PHRF1: variants seen among roughly 807,000 people sequenced by gnomAD.
PHRF1 encodes the protein PHD and RING finger domain-containing protein 1.
Under a neutral mutation model 128.9 loss-of-function variants are expected in PHRF1, and 53 were observed. That is an observed-to-expected ratio of 0.41 (90% CI 0.33 to 0.52). The LOEUF is 0.52. Among genes scored for constraint, PHRF1 ranks in the 20% least tolerant of loss-of-function variants. The probability of loss-of-function intolerance (pLI) is 0.21; values close to 1 mark genes in which losing one functional copy is unlikely to be tolerated. For synonymous variants in PHRF1, 1,178 were observed against 980.6 expected (o/e 1.20, Z -3.76); for missense variants, 2,503 against 2,284.5 (o/e 1.10, Z -1.95).
chr11:593,447 C>G (rs1260622094), intron 6 of PHRF1, among the ~76,000 whole-genome samples: 2 of 152,250 alleles, frequency 1.3e-5, no homozygotes, highest in African/African-American at 2.4e-5. Flanking sequence ...GGAGCCGCAC[C>G]GAGGATGGGC....
chr11:582,816 G>A (rs910959084), intron 3 of PHRF1, among the ~76,000 whole-genome samples: 6 of 151,340 alleles, frequency 4.0e-5, no homozygotes, highest in Admixed American at 2.0e-4. Context: ...GAGCCACCGC[G>A]CCCGGCCTTT....
At chr11:598,635 C>A in intron 9 of PHRF1, 133 bp downstream of exon 9, 3 of 1,367,766 alleles carry the variant, frequency 2.2e-6, no homozygotes, top group Non-Finnish European at 2.9e-6. Context: ...CTGCTGAAAA[C>A]ACTACACAGA....
rs749213318 is a variant in PHRF1 at position 582,041 on chromosome 11, CGAG to C, written c.176_178del (p.Glu59del). 6.2e-7 allele frequency: 1 copy of C among 1,605,798 alleles called. No homozygotes were observed. The highest frequency in any genetic ancestry group is 1.1e-5 in the South Asian group (1 of 89,194). On this transcript the variant is annotated inframe_deletion, in exon 3 of 18. Coordinates refer to ENST00000264555, the MANE Select transcript of PHRF1 (RefSeq NM_001286581.2). ...ATGGAGATGGCACAGACGGAGAAGA[CGAG>C]GGGGCGTCTGAGGAGGAAGACCTGG...
intron 16 of PHRF1, 40 bp downstream of exon 16, chr11:610,801 T>C: frequency 6.3e-7 from 1 of 1,591,212 alleles, no homozygotes; most frequent in Non-Finnish European, 8.5e-7. Context: ...TGTTCCCATC[T>C]TACTTTGAAA....
At position 611,507 on chromosome 11, in the gene PHRF1, G is replaced by T. The variant is rs1436271729; in HGVS notation, c.4807-127G>T. On this transcript the variant is annotated intron_variant, in intron 17 of 17. Coordinates refer to ENST00000264555, the MANE Select transcript of PHRF1 (RefSeq NM_001286581.2). ...GGTGGGGCGGCCTCTGCCGCCGTCTGTCTGCGTGCTGCACCTAGGGCCTGC... is the reference window on the plus strand; with the variant it reads ...GGTGGGGCGGCCTCTGCCGCCGTCTTTCTGCGTGCTGCACCTAGGGCCTGC... The T allele has an allele frequency of 3.7e-6, 5 of 1,365,202 alleles. No homozygotes were observed. The East Asian group carries it at 9.7e-5, about 26-fold the overall frequency. The allele number at this position is 1,365,202 out of a possible 1,614,324, so 84.6% of individuals were successfully genotyped here. A position where few individuals can be genotyped will look rare whatever the true frequency, so the allele number is the denominator to read the frequency against.
chr11:608,928 C>T lies in PHRF1; in HGVS notation c.3472C>T (p.Arg1158Trp), dbSNP rs776948126. ...RKESVAWPRDRRKRRSRSPSS... is the reference protein window; with the variant it reads ...RKESVAWPRDWRKRRSRSPSS... ...GGAGAGTGTGGCGTGGCCCCGAGACCGGAGGAAGCGGAGGTCCCGGTCCCC... is the reference window on the plus strand; with the variant it reads ...GGAGAGTGTGGCGTGGCCCCGAGACTGGAGGAAGCGGAGGTCCCGGTCCCC... The change falls in exon 14 of 18, where the codon CGG becomes TGG. Residue 1158 changes from arginine (R) to tryptophan (W), a missense_variant. Physicochemically the swap from Arg to Trp is moderately radical, Grantham distance 101. Coordinates refer to ENST00000264555, the MANE Select transcript of PHRF1 (RefSeq NM_001286581.2). 44 of 1,611,294 alleles carry T rather than the reference C, an allele frequency of 2.7e-5. No individual in the cohort carries two copies. Among genetic ancestry groups the T allele is most frequent in the African/African-American group, 4.0e-5 (3 of 74,672 alleles).
rs895650610 is a variant in PHRF1 at position 611,839 on chromosome 11, C to T, written c.*62C>T. On this transcript the variant is annotated 3_prime_UTR_variant, in exon 18 of 18. Coordinates refer to ENST00000264555, the MANE Select transcript of PHRF1 (RefSeq NM_001286581.2). Reference sequence around the variant, plus strand: ...GGGAGTGGCGGGAATCGGGGCCATGCCCGGGGAGCTGTCGGGAGTGGCGGG... The same window carrying T: ...GGGAGTGGCGGGAATCGGGGCCATGTCCGGGGAGCTGTCGGGAGTGGCGGG... The T allele has an allele frequency of 1.6e-5, 24 of 1,531,174 alleles. No homozygotes were observed. The highest frequency in any genetic ancestry group is 2.1e-5 in the Non-Finnish European group (24 of 1,141,886). 94.8% of individuals were successfully genotyped at this position (1,531,174 alleles called of 1,614,324 possible).
Position 611,662 on chromosome 11 carries a change from A to G in PHRF1, c.4835A>G (p.Asn1612Ser), listed in dbSNP as rs780692142. 11 of 1,613,014 alleles carry G rather than the reference A, an allele frequency of 6.8e-6. No individual in the cohort carries two copies. Among genetic ancestry groups the G allele is most frequent in the Admixed American group, 6.7e-5 (4 of 59,996 alleles). ...KICHSKSGEI[N>S]PVKVANLVKA... is the part of the protein sequence containing the mutation. ...TGCCACAGCAAGAGTGGAGAGATCA[A>G]CCCCGTGAAGGTGGCCAACCTGGTG... The change falls in exon 18 of 18, where the codon AAC becomes AGC. Residue 1612 changes from asparagine to serine, a missense_variant. Coordinates refer to ENST00000264555, the MANE Select transcript of PHRF1 (RefSeq NM_001286581.2).
In PHRF1 at chr11:607,269, C is replaced by G. The variant is rs201763155; in HGVS notation, c.1813C>G (p.Pro605Ala). Residue 605 changes from proline to alanine, a missense_variant, in exon 14 of 18, where the codon CCA becomes GCA. Pro to Ala is a conservative substitution (Grantham distance 27). Coordinates refer to ENST00000264555, the MANE Select transcript of PHRF1 (RefSeq NM_001286581.2). Reference sequence around the variant, plus strand: ...GGGGGCGCCTGTGAGGCTGGACTTGCCAGCAGCCCCTGGGGCGGTTCAGGC... The same window carrying G: ...GGGGGCGCCTGTGAGGCTGGACTTGGCAGCAGCCCCTGGGGCGGTTCAGGC... ...TAGAPVRLDLPAAPGAVQARN... is the reference protein window; with the variant it reads ...TAGAPVRLDLAAAPGAVQARN... The G allele has an allele frequency of 1.6e-5, 25 of 1,612,644 alleles. No individual in the cohort carries two copies. The highest frequency in any genetic ancestry group is 3.3e-5 in the South Asian group (3 of 91,088).
Position 605,138 on chromosome 11 carries a change from C to T in PHRF1, c.1172C>T (p.Ser391Phe), listed in dbSNP as rs772143134. 1.2e-6 allele frequency: 2 copies of T among 1,611,526 alleles called. No homozygotes were observed. Among genetic ancestry groups the T allele is most frequent in the South Asian group, 2.2e-5 (2 of 91,038 alleles). The change falls in exon 11 of 18, where the codon TCT becomes TTT. Residue 391 changes from serine (S) to phenylalanine (F), a missense_variant. Ser to Phe is a radical substitution (Grantham distance 155, BLOSUM62 -2). Transcript: ENST00000264555. Reference protein sequence around the residue: ...KKVKSEATTRSRIARTLGLRR... With the variant: ...KKVKSEATTRFRIARTLGLRR... ...ATTCAGAGTGAAGCCACCACTCGCT[C>T]TCGAATCGCGCGGACGCTGGGCCTG...
At chr11:604,596 C>T (rs897846505) in intron 10 of PHRF1, among the ~76,000 whole-genome samples, 1 of 152,190 alleles carries the variant, frequency 6.6e-6, no homozygotes, top group African/African-American at 2.4e-5. Context: ...TTCACTGCAA[C>T]CTCTGCCTCC....
At chr11:600,500 A>G (rs1292990192) in intron 9 of PHRF1, among the ~76,000 whole-genome samples, 3 of 145,322 alleles carry the variant, frequency 2.1e-5, no homozygotes, top group African/African-American at 7.6e-5. Flanking sequence ...AAAAATATAT[A>G]TATATATATA....
intron 6 of PHRF1, among the ~76,000 whole-genome samples, chr11:593,345 C>T (rs937167730): frequency 4.6e-5 from 7 of 152,234 alleles, no homozygotes; most frequent in Non-Finnish European, 5.9e-5. Context: ...TGAGGCTGCT[C>T]GATCTGGGGC....
At position 608,317 on chromosome 11, in the gene PHRF1, G is replaced by C; in HGVS notation, c.2861G>C (p.Gly954Ala). ...GGGGCGTCTTGCAGCACCTTCTTTGGCTCTGAGGAGCGGACGGTGACCTGT... is the reference window on the plus strand; with the variant it reads ...GGGGCGTCTTGCAGCACCTTCTTTGCCTCTGAGGAGCGGACGGTGACCTGT... The part of the protein sequence containing the change: ...EDGASCSTFF[G>A]SEERTVTCVT... Residue 954 changes from glycine (G) to alanine (A), a missense_variant, in exon 14 of 18, where the codon GGC becomes GCC. Coordinates refer to ENST00000264555, the MANE Select transcript of PHRF1 (RefSeq NM_001286581.2). The C allele has an allele frequency of 6.2e-7, 1 of 1,609,548 alleles. No individual in the cohort carries two copies. The highest frequency in any genetic ancestry group is 8.5e-7 in the Non-Finnish European group (1 of 1,178,904).
chr11:582,982 C>T (rs762328750), intron 3 of PHRF1, among the ~76,000 whole-genome samples: 1 of 150,704 alleles, frequency 6.6e-6, no homozygotes, highest in African/African-American at 2.4e-5. Context: ...TGCAGTGAGC[C>T]GAGATTGTGC....
Position 582,136 on chromosome 11 carries a change from A to T in PHRF1, c.214+55A>T, listed in dbSNP as rs954472658. 2.4e-5 allele frequency: 37 copies of T among 1,549,886 alleles called. No individual in the cohort carries two copies. In the East Asian group the frequency reaches 8.6e-4, roughly 36 times the overall value. ...TGTGTTTCCTCTTGTCGTGATGGGG[A>T]CAGCCTTTTATAACACATCCTCCGT... On this transcript the variant is annotated intron_variant, in intron 3 of 17. Transcript: ENST00000264555.
Position 608,794 on chromosome 11 carries a change from G to C in PHRF1, c.3338G>C (p.Arg1113Thr), listed in dbSNP as rs768669553. The C allele has an allele frequency of 6.2e-7, 1 of 1,611,992 alleles. No individual in the cohort carries two copies. Among genetic ancestry groups the C allele is most frequent in the Non-Finnish European group, 8.5e-7 (1 of 1,179,752 alleles). The stretch of plus-strand genomic sequence containing the variant: ...GAGAGTAGGAAGAAGAAGAAAAGGA[G>C]ATCAGCGTCCAGACCTCGGGGAAGG... ...HYESRKKKKR[R>T]SASRPRGREC... is the part of the protein sequence containing the mutation. The change falls in exon 14 of 18, where the codon AGA (arginine) becomes ACA (threonine). Residue 1113 changes from arginine (R) to threonine (T), a missense_variant. Transcript: ENST00000264555.
rs763201068 is a variant in PHRF1, at chr11:607,432, G to T, written c.1976G>T (p.Arg659Leu). 7 of 1,612,842 alleles carry T rather than the reference G, an allele frequency of 4.3e-6. No homozygotes were observed. In the Admixed American group the frequency reaches 8.3e-5, roughly 19 times the overall value. Residue 659 changes from arginine (R) to leucine (L), a missense_variant, in exon 14 of 18, where the codon CGC becomes CTC. Coordinates refer to ENST00000264555, the MANE Select transcript of PHRF1 (RefSeq NM_001286581.2). ...AGCAGAGATTCTAAGCCCCCATGTC[G>T]CAGTGTGGTGCCGGGGCCTCCCCTG... ...ISSRDSKPPC[R>L]SVVPGPPLKP...
At position 605,667 on chromosome 11, in the gene PHRF1, G is replaced by A. The variant is rs759347793; in HGVS notation, c.1397G>A (p.Arg466Gln). The change falls in exon 12 of 18, where the codon CGG becomes CAG. Residue 466 changes from arginine to glutamine, a missense_variant. Coordinates refer to ENST00000264555, the MANE Select transcript of PHRF1 (RefSeq NM_001286581.2). ...AGTGCCAAGAGACGGGCTCTGTCCC[G>A]GTCAGCCCTGCAGTCCCACCAGCCC... Reference protein sequence around the residue: ...PLSAKRRALSRSALQSHQPVA... With the variant: ...PLSAKRRALSQSALQSHQPVA... 9.3e-6 allele frequency: 15 copies of A among 1,613,412 alleles called. No individual in the cohort carries two copies. The highest frequency in any genetic ancestry group is 1.3e-5 in the African/African-American group (1 of 75,056).
Sources: allele counts gnomAD v4.1 joint callset (sites outside exome capture counted in the v4.1 genomes callset), GRCh38; gene constraint gnomAD v4.1.1; transcripts MANE v1.5; gene names NCBI Gene and HGNC (gene_info 2026-07-23, HGNC 2026-07-21).